The following PRKCH variants were observed in gnomAD, a reference collection of about 807,000 sequenced individuals.
The protein encoded by PRKCH is protein kinase C eta type.
Under a neutral mutation model 82.5 loss-of-function variants are expected in PRKCH, and 28 were observed. That is an observed-to-expected ratio of 0.34 (90% CI 0.25 to 0.47). The LOEUF is 0.47. Among genes scored for constraint, PRKCH ranks in the 20% least tolerant of loss-of-function variants. The pLI, the probability that PRKCH is intolerant of heterozygous loss-of-function variation, is 1.00. For missense variants in PRKCH, 705 were observed against 881.8 expected (o/e 0.80, Z 2.54); for synonymous variants, 322 against 327.4 (o/e 0.98, Z 0.18).
At chr14:61,329,562 G>C (rs2045754471) in intron 1 of PRKCH, among the ~76,000 whole-genome samples, 1 of 152,028 alleles carries the variant, frequency 6.6e-6, no homozygotes, top group Non-Finnish European at 1.5e-5. Context: ...AAATGGTATA[G>C]GATGTTCTCC....
Position 61,280,829 on chromosome 14 carries a change from G to A in PRKCH, c.-19+93161G>A. The A allele has an allele frequency of 6.4e-7, 1 of 1,565,486 alleles. No homozygotes were observed. Among genetic ancestry groups the A allele is most frequent in the South Asian group, 1.2e-5 (1 of 84,946 alleles). On this transcript the variant is annotated intron_variant, in intron 1 of 3. Transcript: ENST00000555185. The surrounding 1 kb of genome is among the most constrained non-coding windows in gnomAD (Gnocchi z 5.0). ...GTCAGCTCGTAGTAGAGGTACACTG[G>A]GCCCTGGAAGAGCTCGGGCAGCGAG...
intron 4 of PRKCH, among the ~76,000 whole-genome samples, chr14:61,446,301 G>A (rs1356010937): frequency 1.3e-5 from 2 of 152,168 alleles, no homozygotes; most frequent in African/African-American, 4.8e-5. Flanking sequence ...TAGCATAATT[G>A]GAAAGAAATA....
At chr14:61,528,072 C>G (rs576120126) in intron 10 of PRKCH, 1 of 151,962 alleles carries the variant, frequency 6.6e-6, no homozygotes, top group African/African-American at 2.4e-5. Flanking sequence ...GTGTGTTCCC[C>G]CTCCCCACCC....
intron 1 of PRKCH, among the ~76,000 whole-genome samples, chr14:61,210,898 T>G (rs1219788856): frequency 1.3e-5 from 2 of 151,996 alleles, no homozygotes; most frequent in Admixed American, 1.3e-4. Flanking sequence ...GCATTGCATA[T>G]AGGGATTAGA....
chr14:61,267,323 G>C (rs1050992229), intron 1 of PRKCH, among the ~76,000 whole-genome samples: 2 of 152,302 alleles, frequency 1.3e-5, no homozygotes, highest in East Asian at 3.9e-4. Flanking sequence ...CTTGATGTAT[G>C]CCTATCTAGC....
At chr14:61,227,944 T>C (rs915683162) in intron 1 of PRKCH, among the ~76,000 whole-genome samples, 1 of 152,172 alleles carries the variant, frequency 6.6e-6, no homozygotes, top group African/African-American at 2.4e-5. Context: ...CTACCCTAAG[T>C]GTGGCACCAC....
At chr14:61,523,160 T>A (rs1287933170) in intron 10 of PRKCH, among the ~76,000 whole-genome samples, 1 of 152,362 alleles carries the variant, frequency 6.6e-6, no homozygotes, top group East Asian at 1.9e-4. Flanking sequence ...GCAAATGATC[T>A]GCACATTTGA....
intron 1 of PRKCH, among the ~76,000 whole-genome samples, chr14:61,263,879 GTGTGTGTGTGTGTGTGTA>G (rs1011859647): frequency 2.5e-4 from 20 of 80,946 alleles, no homozygotes; most frequent in Admixed American, 6.3e-4. Flanking sequence ...GTGTGTGTGT[GTGTGTGTGTGTGTGTGTA>G]TGTGTGTGTA....
chr14:61,486,542 CAGTG>C (rs1449737732), intron 10 of PRKCH, among the ~76,000 whole-genome samples: 2 of 152,124 alleles, frequency 1.3e-5, no homozygotes, highest in East Asian at 1.9e-4. Flanking sequence ...AGGTTGGAGA[CAGTG>C]AGAAGTGTAA....
chr14:61,492,573 A>G (rs1029488208), intron 10 of PRKCH, among the ~76,000 whole-genome samples: 1 of 152,242 alleles, frequency 6.6e-6, no homozygotes, highest in South Asian at 2.1e-4. Flanking sequence ...AGCTGGCATG[A>G]AGAGCAAACC....
chr14:61,236,886 T>C (rs2044794519), intron 1 of PRKCH, among the ~76,000 whole-genome samples: 1 of 152,096 alleles, frequency 6.6e-6, no homozygotes, highest in Non-Finnish European at 1.5e-5. Context: ...AAAAAGGGGA[T>C]GCATGAATAA....
At chr14:61,266,505 A>G (rs2140083253) in intron 1 of PRKCH, among the ~76,000 whole-genome samples, 1 of 152,352 alleles carries the variant, frequency 6.6e-6, no homozygotes, top group South Asian at 2.1e-4. Flanking sequence ...GCTGCATAAT[A>G]AGACCATTTT....
At chr14:61,229,326 T>G (rs1010525205) in intron 1 of PRKCH, among the ~76,000 whole-genome samples, 8 of 152,072 alleles carry the variant, frequency 5.3e-5, no homozygotes, top group Non-Finnish European at 8.8e-5. Flanking sequence ...CTCCTGAACT[T>G]GGAGATAGAT....
chr14:61,535,747 A>G (rs2043099589), intron 12 of PRKCH, among the ~76,000 whole-genome samples: 1 of 152,234 alleles, frequency 6.6e-6, no homozygotes, highest in African/African-American at 2.4e-5. Flanking sequence ...TGGCTATTGT[A>G]TAAGGAGTGG....
At chr14:61,353,258 T>G (rs1292241156) in intron 1 of PRKCH, among the ~76,000 whole-genome samples, 3 of 152,204 alleles carry the variant, frequency 2.0e-5, no homozygotes, top group African/African-American at 4.8e-5. Context: ...TGGGGGACTT[T>G]CATTTCCCAA....
chr14:61,289,989 G>T (rs2045346498), intron 1 of PRKCH, among the ~76,000 whole-genome samples: 1 of 152,096 alleles, frequency 6.6e-6, no homozygotes, highest in South Asian at 2.1e-4. Context: ...AAAGATTTCT[G>T]CCTGAGAGAA....
At chr14:61,282,089 T>C (rs981646718) in intron 1 of PRKCH, among the ~76,000 whole-genome samples, 2 of 152,012 alleles carry the variant, frequency 1.3e-5, no homozygotes, top group Admixed American at 6.6e-5. Flanking sequence ...ACATGTGATT[T>C]CGTTTTCTTT....
At chr14:61,547,630 A>C in intron 12 of PRKCH, 113 bp from the exon 13 acceptor site, 1 of 1,370,292 alleles carries the variant, frequency 7.3e-7, no homozygotes, top group Middle Eastern at 1.9e-4. Flanking sequence ...TAGTTAAGCA[A>C]GACCTGCCAG....
intron 1 of PRKCH, chr14:61,327,235 C>A (rs2045709668): frequency 5.1e-6 from 2 of 393,506 alleles, no homozygotes; most frequent in Admixed American, 2.8e-5. Context: ...TACTACTGGA[C>A]AATCATGGAT....
Sources: gnomAD v4.1 joint callset for allele counts (sites outside exome capture counted in the v4.1 genomes callset) on GRCh38, gnomAD v4.1.1 for gene constraint, Gnocchi (gnomAD v3.1) non-coding constraint, MANE v1.5 for transcripts, NCBI Gene and HGNC (gene_info 2026-07-23, HGNC 2026-07-21) for gene names.